Variants in BMPER observed in about 807,000 individuals in gnomAD.
The protein encoded by BMPER is BMP binding endothelial regulator.
BMPER carries 45 observed loss-of-function variants against 87.3 expected under a neutral mutation model. The observed-to-expected ratio is 0.52, with a 90% CI of 0.41 to 0.66. The LOEUF is 0.66. Among genes scored for constraint, BMPER ranks in the 30% least tolerant of loss-of-function variants. The probability of loss-of-function intolerance (pLI) is 0.00; values close to 1 mark genes in which losing one functional copy is unlikely to be tolerated. For missense variants in BMPER, 784 were observed against 867.5 expected, an observed-to-expected ratio of 0.90 and a Z score of 1.21; for synonymous variants, 326 against 316.2, an observed-to-expected ratio of 1.03 and a Z score of -0.33.
chr7:34,134,792 T>C (rs1790680151), intron 13 of BMPER, among the ~76,000 whole-genome samples: 1 of 152,212 alleles, frequency 6.6e-6, no homozygotes, highest in Non-Finnish European at 1.5e-5. Context: ...GAAAATATTT[T>C]AGATTCCATA....
At chr7:34,106,321 A>G (rs893985325) in intron 13 of BMPER, among the ~76,000 whole-genome samples, 1 of 152,202 alleles carries the variant, frequency 6.6e-6, no homozygotes, top group Non-Finnish European at 1.5e-5. Flanking sequence ...CAAAGTGCAC[A>G]TATCACTTTT....
chr7:33,962,720 T>C (rs776404272), intron 3 of BMPER, among the ~76,000 whole-genome samples: 9 of 152,206 alleles, frequency 5.9e-5, no homozygotes, highest in Non-Finnish European at 1.0e-4. Flanking sequence ...GATGGTTTTA[T>C]TGAAGCTTAT....
rs1393908376 is a variant in BMPER, at chr7:33,997,954, T to C, written c.576+23170T>C. ...CTCCCTACTAAACTGACTTTGTTTA[T>C]TTTTCCCCATTGCTTATTTATCACC... On this transcript the variant is annotated intron_variant, in intron 6 of 14. Transcript: ENST00000649409. 9.9e-5 allele frequency among the ~76,000 whole-genome samples: 15 copies of C among 152,220 alleles called. 1 individual carries two copies.
chr7:33,907,760 T>A (rs1411348922), intron 2 of BMPER, among the ~76,000 whole-genome samples: 3 of 152,194 alleles, frequency 2.0e-5, no homozygotes, highest in Non-Finnish European at 2.9e-5. Context: ...TGGAAATACA[T>A]TAAGGCAGTC....
chr7:33,930,862 ATTGT>A (rs1487431134), intron 2 of BMPER, among the ~76,000 whole-genome samples: 1 of 152,084 alleles, frequency 6.6e-6, no homozygotes, highest in Non-Finnish European at 1.5e-5. Flanking sequence ...GAGATGGGAG[ATTGT>A]TTGAGTTTGG....
intron 13 of BMPER, among the ~76,000 whole-genome samples, chr7:34,093,109 C>T (rs551721567): frequency 5.9e-5 from 9 of 152,228 alleles, no homozygotes; most frequent in African/African-American, 1.9e-4. Context: ...TGGTAATACT[C>T]ATGGGTGTGA....
intron 13 of BMPER, among the ~76,000 whole-genome samples, chr7:34,132,079 A>G (rs1790605851): frequency 2.0e-5 from 3 of 152,192 alleles, no homozygotes; most frequent in Admixed American, 1.3e-4. Context: ...TGTGCCCAAG[A>G]TAACACAATT....
At chr7:34,133,750 A>G (rs1417639832) in intron 13 of BMPER, among the ~76,000 whole-genome samples, 1 of 152,122 alleles carries the variant, frequency 6.6e-6, no homozygotes. Flanking sequence ...GTCAGAATTG[A>G]GTTAAATTTC....
At chr7:34,080,769 T>A (rs1412361454) in intron 12 of BMPER, among the ~76,000 whole-genome samples, 1 of 152,234 alleles carries the variant, frequency 6.6e-6, no homozygotes, top group Non-Finnish European at 1.5e-5. Context: ...CACAGCCTAG[T>A]TCTCAAAGAA....
At chr7:33,913,605 G>T (rs781668479) in intron 2 of BMPER, among the ~76,000 whole-genome samples, 1 of 152,092 alleles carries the variant, frequency 6.6e-6, no homozygotes, top group Non-Finnish European at 1.5e-5. Flanking sequence ...CTACATTCCA[G>T]TTCTAGAGTA....
chr7:34,022,909 A>G (rs1163145885), intron 6 of BMPER, among the ~76,000 whole-genome samples: 1 of 151,930 alleles, frequency 6.6e-6, no homozygotes, highest in Non-Finnish European at 1.5e-5. Flanking sequence ...GGACAGTAAC[A>G]TATCTCCTGT....
intron 13 of BMPER, among the ~76,000 whole-genome samples, chr7:34,120,108 A>AT (rs1790224692): frequency 1.3e-5 from 2 of 152,342 alleles, no homozygotes; most frequent in South Asian, 4.1e-4. Flanking sequence ...ATAAGGGCAG[A>AT]TTTTAACACA....
chr7:34,132,706 C>A (rs13238637), intron 13 of BMPER, among the ~76,000 whole-genome samples: 24,492 of 152,080 alleles, frequency 0.16, 2,228 homozygotes, highest in Non-Finnish European at 0.2. Context: ...CATATACTAC[C>A]TAGTTTTGGG....
intron 6 of BMPER, among the ~76,000 whole-genome samples, chr7:33,976,489 A>G (rs1227146027): frequency 2.0e-5 from 3 of 152,190 alleles, no homozygotes; most frequent in Non-Finnish European, 2.9e-5. Flanking sequence ...ATTTATGTAA[A>G]TAATATTTGC....
At chr7:34,150,841 G>A (rs1791157815) in intron 14 of BMPER, among the ~76,000 whole-genome samples, 1 of 152,170 alleles carries the variant, frequency 6.6e-6, no homozygotes, top group South Asian at 2.1e-4. Context: ...CTATATTTGA[G>A]TTGGTGTGTG....
intron 13 of BMPER, among the ~76,000 whole-genome samples, chr7:34,119,419 T>A (rs150155276): frequency 2.0e-4 from 30 of 152,360 alleles, no homozygotes; most frequent in Admixed American, 6.5e-4. Context: ...AAACATTTTC[T>A]TGTTATACTA....
At chr7:33,979,831 G>A (rs1202386269) in intron 6 of BMPER, among the ~76,000 whole-genome samples, 1 of 152,210 alleles carries the variant, frequency 6.6e-6, no homozygotes, top group African/African-American at 2.4e-5. Flanking sequence ...AACCCACTTA[G>A]TTACACTCTC....
intron 6 of BMPER, among the ~76,000 whole-genome samples, chr7:34,041,788 T>C (rs1787839146): frequency 6.6e-6 from 1 of 151,954 alleles, no homozygotes. Context: ...GAGAAAAAAA[T>C]AGAGAACTCT....
chr7:34,092,224 G>T (rs186027292), intron 13 of BMPER, among the ~76,000 whole-genome samples: 4 of 152,254 alleles, frequency 2.6e-5, no homozygotes, highest in African/African-American at 9.6e-5. Context: ...CAAATGCCGT[G>T]AGCACTTCTT....
Sources: gnomAD v4.1 joint callset for allele counts (sites outside exome capture counted in the v4.1 genomes callset) on GRCh38, gnomAD v4.1.1 for gene constraint, MANE v1.5 for transcripts, NCBI Gene and HGNC (gene_info 2026-07-23, HGNC 2026-07-21) for gene names.